The following TTC39B variants were observed in gnomAD, a reference collection of about 807,000 sequenced individuals.
TTC39B encodes the protein tetratricopeptide repeat domain 39B, also known as tetratricopeptide repeat protein 39B.
Under a neutral mutation model 96.6 loss-of-function variants are expected in TTC39B, and 92 were observed. The observed-to-expected ratio is 0.95, with a 90% CI of 0.80 to 1.13. The LOEUF (loss-of-function observed/expected upper bound fraction) is 1.13, where lower values mean the gene tolerates loss of function less well. TTC39B is among the 50% of genes most tolerant of loss of function. The pLI is 0.00. For missense variants in TTC39B, 955 were observed against 809.3 expected, an observed-to-expected ratio of 1.18 and a Z score of -2.18; for synonymous variants, 367 against 299.4, an observed-to-expected ratio of 1.23 and a Z score of -2.33.
chr9:15,242,903 A>G (rs774745552), intron 2 of TTC39B, among the ~76,000 whole-genome samples: 1 of 152,244 alleles, frequency 6.6e-6, no homozygotes. Flanking sequence ...ATGATTCTGT[A>G]ACAAAGGGCA....
intron 1 of TTC39B, among the ~76,000 whole-genome samples, chr9:15,302,058 C>G (rs570495050): frequency 6.6e-6 from 1 of 152,178 alleles, no homozygotes; most frequent in Admixed American, 6.5e-5. Context: ...CACGGTGGCT[C>G]ACGCCTGTAA....
At chr9:15,216,627 C>T (rs552274155) in intron 3 of TTC39B, among the ~76,000 whole-genome samples, 2 of 152,302 alleles carry the variant, frequency 1.3e-5, no homozygotes, top group Admixed American at 6.5e-5. Flanking sequence ...CTCATCTCTA[C>T]CGTCCAGTCC....
chr9:15,197,680 C>A (rs1056260117), intron 8 of TTC39B, among the ~76,000 whole-genome samples: 2 of 152,202 alleles, frequency 1.3e-5, no homozygotes, highest in African/African-American at 4.8e-5. Context: ...CTCAAAACCA[C>A]ACTTAGGCAC....
At chr9:15,218,121 G>A (rs1253482790) in intron 3 of TTC39B, among the ~76,000 whole-genome samples, 1 of 137,814 alleles carries the variant, frequency 7.3e-6, no homozygotes, top group Non-Finnish European at 1.5e-5. Flanking sequence ...AGTGAGCTGA[G>A]ATCGCGCCAC....
intron 2 of TTC39B, among the ~76,000 whole-genome samples, chr9:15,266,879 A>G (rs973356821): frequency 6.6e-6 from 1 of 152,130 alleles, no homozygotes; most frequent in Non-Finnish European, 1.5e-5. Flanking sequence ...GGAGATGGAG[A>G]CCATCCTGGC....
At chr9:15,213,328 G>T (rs1295673245) in intron 4 of TTC39B, among the ~76,000 whole-genome samples, 1 of 152,144 alleles carries the variant, frequency 6.6e-6, no homozygotes, top group Non-Finnish European at 1.5e-5. Context: ...TTAGACTACA[G>T]GGCTTCATTA....
At chr9:15,243,721 G>A (rs1039679450) in intron 2 of TTC39B, among the ~76,000 whole-genome samples, 11 of 152,174 alleles carry the variant, frequency 7.2e-5, no homozygotes, top group Non-Finnish European at 1.3e-4. Context: ...ACTAGCCTGG[G>A]CAACATAGCA....
rs148930612 is a variant in TTC39B, at chr9:15,176,212, A to C, written c.1842-1077T>G. The stretch of plus-strand genomic sequence containing the variant: ...TAGCCTCATGGGAATCTCAAGAAAA[A>C]ACTCCAATGAAGGTGAGTTCACAAT... On this transcript the variant is annotated intron_variant, in intron 18 of 19. Transcript: ENST00000512701. Among the ~76,000 whole-genome samples, 561 of 152,274 alleles carry C rather than the reference A, an allele frequency of 3.7e-3. 8 individuals carry two copies. The highest frequency in any genetic ancestry group is 0.013 in the African/African-American group (538 of 41,548).
chr9:15,285,261 T>A lies in TTC39B; in HGVS notation c.241-17313A>T, dbSNP rs1185841185. 4.8e-5 allele frequency among the ~76,000 whole-genome samples: 7 copies of A among 146,332 alleles called. No individual in the cohort carries two copies. In the Admixed American group the frequency reaches 4.8e-4, roughly 10 times the overall value. ...TCCAGCCTGGGCGACAGAGCAAGACTCCGTCTCAAAAAGAAAAAAAAAAAA... is the reference window on the plus strand; with the variant it reads ...TCCAGCCTGGGCGACAGAGCAAGACACCGTCTCAAAAAGAAAAAAAAAAAA... On this transcript the variant is annotated intron_variant, in intron 1 of 19. Transcript: ENST00000512701.
At chr9:15,259,257 G>T (rs1167949617) in intron 2 of TTC39B, among the ~76,000 whole-genome samples, 1 of 152,154 alleles carries the variant, frequency 6.6e-6, no homozygotes, top group Non-Finnish European at 1.5e-5. Flanking sequence ...TTAGGGAGAG[G>T]ATCTGCATTT....
At chr9:15,263,173 C>T (rs1823004975) in intron 2 of TTC39B, among the ~76,000 whole-genome samples, 1 of 152,162 alleles carries the variant, frequency 6.6e-6, no homozygotes, top group Non-Finnish European at 1.5e-5. Context: ...TTCCTTACAG[C>T]AAATCTCTTC....
intron 9 of TTC39B, 63 bp downstream of exon 9, chr9:15,192,527 A>T: frequency 7.8e-7 from 1 of 1,278,080 alleles, no homozygotes; most frequent in South Asian, 1.2e-5. Context: ...TGCAGTGGAG[A>T]AGGCACAGAA....
chr9:15,288,562 C>T (rs532750675), intron 1 of TTC39B, among the ~76,000 whole-genome samples: 2 of 152,174 alleles, frequency 1.3e-5, no homozygotes, highest in Non-Finnish European at 2.9e-5. Flanking sequence ...CCCATTCATC[C>T]CACTGAGAGC....
chr9:15,268,532 C>T (rs970746163), intron 1 of TTC39B, among the ~76,000 whole-genome samples: 4 of 152,170 alleles, frequency 2.6e-5, no homozygotes, highest in Non-Finnish European at 5.9e-5. Flanking sequence ...CACACTCAGA[C>T]ACAGTGACTC....
intron 17 of TTC39B, among the ~76,000 whole-genome samples, chr9:15,179,574 A>G (rs910870878): frequency 3.9e-5 from 6 of 152,264 alleles, no homozygotes; most frequent in African/African-American, 7.2e-5. Flanking sequence ...CTACCAAAAT[A>G]AAATTCTATC....
intron 2 of TTC39B, among the ~76,000 whole-genome samples, chr9:15,266,581 A>T (rs1376524505): frequency 6.6e-6 from 1 of 152,216 alleles, no homozygotes; most frequent in Admixed American, 6.5e-5. Context: ...TTGCTTACAT[A>T]GTATTGGTAG....
intron 2 of TTC39B, among the ~76,000 whole-genome samples, chr9:15,227,829 T>G (rs941608611): frequency 6.6e-6 from 1 of 152,140 alleles, no homozygotes; most frequent in Admixed American, 6.5e-5. Context: ...AATAAAAGTC[T>G]CCCCAATATT....
At chr9:15,305,896 T>C (rs1824738457) in intron 1 of TTC39B, among the ~76,000 whole-genome samples, 2 of 152,100 alleles carry the variant, frequency 1.3e-5, no homozygotes, top group Non-Finnish European at 2.9e-5. Context: ...TATTTCATTC[T>C]ACAGTCTTGG....
intron 2 of TTC39B, among the ~76,000 whole-genome samples, chr9:15,247,762 CA>C (rs928195303): frequency 2.2e-5 from 3 of 139,054 alleles, no homozygotes; most frequent in East Asian, 2.2e-4. Context: ...GGGCATGAGG[CA>C]AAAAAAAACT....
Sources: allele counts gnomAD v4.1 joint callset (sites outside exome capture counted in the v4.1 genomes callset), GRCh38; gene constraint gnomAD v4.1.1; transcripts MANE v1.5; gene names NCBI Gene and HGNC (gene_info 2026-07-23, HGNC 2026-07-21).